Variants in FMNL2 observed in about 807,000 individuals in gnomAD.
FMNL2 encodes formin like 2.
In FMNL2, 51 loss-of-function variants were observed where a neutral mutation model predicts 130.2. The observed-to-expected ratio is 0.39, with a 90% CI of 0.31 to 0.49. The LOEUF (loss-of-function observed/expected upper bound fraction) is 0.49. FMNL2 is among the 20% of genes least tolerant of loss of function. The probability of loss-of-function intolerance (pLI) is 0.85; values close to 1 mark genes in which losing one functional copy is unlikely to be tolerated. For synonymous variants in FMNL2, 465 were observed against 467.1 expected (o/e 1.00, Z 0.06); for missense variants, 977 against 1,316.2 (o/e 0.74, Z 3.99).
At chr2:152,481,503 T>A (rs1690520739) in intron 1 of FMNL2, among the ~76,000 whole-genome samples, 1 of 152,218 alleles carries the variant, frequency 6.6e-6, no homozygotes, top group Admixed American at 6.5e-5. Flanking sequence ...TAAAAAATAG[T>A]GCTGCCCAGG....
At chr2:152,637,438 G>T in intron 22 of FMNL2, 135 bp from the exon 23 acceptor site, 1 of 672,872 alleles carries the variant, frequency 1.5e-6, no homozygotes. Flanking sequence ...AATCTTGGGA[G>T]GTAAGGGAGG....
chr2:152,342,309 T>C (rs1226156476), intron 1 of FMNL2, among the ~76,000 whole-genome samples: 1 of 152,202 alleles, frequency 6.6e-6, no homozygotes, highest in Non-Finnish European at 1.5e-5. Flanking sequence ...TGCCCCTCCT[T>C]TGCAAGAGGA....
intron 1 of FMNL2, among the ~76,000 whole-genome samples, chr2:152,384,237 A>G (rs992611812): frequency 1.3e-5 from 2 of 152,186 alleles, no homozygotes; most frequent in African/African-American, 4.8e-5. Flanking sequence ...CAGGTTGGAA[A>G]CAAGGATTGG....
chr2:152,371,486 T>C (rs1683873688), intron 1 of FMNL2, among the ~76,000 whole-genome samples: 1 of 151,804 alleles, frequency 6.6e-6, no homozygotes, highest in Non-Finnish European at 1.5e-5. Flanking sequence ...CTGGCCAACA[T>C]GGTGAATCCC....
chr2:152,428,195 A>C (rs1218858880), intron 1 of FMNL2, among the ~76,000 whole-genome samples: 3 of 152,188 alleles, frequency 2.0e-5, no homozygotes, highest in Non-Finnish European at 4.4e-5. Flanking sequence ...TATTCATTCC[A>C]AAAATGTTTT....
intron 1 of FMNL2, among the ~76,000 whole-genome samples, chr2:152,348,995 C>T (rs967807100): frequency 8.3e-5 from 12 of 144,650 alleles, no homozygotes; most frequent in Non-Finnish European, 1.7e-4. Context: ...CCACCGCGCC[C>T]GGCTAATTTT....
Position 152,396,469 on chromosome 2 carries a change from G to A in FMNL2, c.117+60749G>A, listed in dbSNP as rs533006824. ...ACCTAGAATGAAATCCAAGGCTGCT[G>A]CTTAACCCTCTATAGCTCTGGTAGT... On this transcript the variant is annotated intron_variant, in intron 1 of 25. Transcript: ENST00000288670. Among the ~76,000 whole-genome samples the A allele has an allele frequency of 3.3e-5, 5 of 152,284 alleles. No individual in the cohort carries two copies. The South Asian group carries it at 8.3e-4, about 25-fold the overall frequency.
At chr2:152,529,202 T>C (rs1240624496) in intron 2 of FMNL2, among the ~76,000 whole-genome samples, 3 of 152,138 alleles carry the variant, frequency 2.0e-5, no homozygotes, top group Admixed American at 6.5e-5. Context: ...GTTTTATAGG[T>C]GAGGGAAAGG....
In FMNL2 at chr2:152,641,056, G is replaced by C. The variant is rs1363641340; in HGVS notation, c.3169+142G>C. The C allele has an allele frequency of 8.9e-6, 10 of 1,117,454 alleles. No homozygotes were observed. In the South Asian group the frequency reaches 1.4e-4, roughly 16 times the overall value. 69.2% of individuals were successfully genotyped at this position (1,117,454 alleles called of 1,614,324 possible). A position where few individuals can be genotyped will look rare whatever the true frequency, so the allele number is the denominator to read the frequency against. ...TTATTCACACCCAGAGTGATGCAGA[G>C]AGGCTTTGAAGTCCATTTACAGCAG... On this transcript the variant is annotated intron_variant, in intron 25 of 25. Transcript: ENST00000288670.
intron 5 of FMNL2, among the ~76,000 whole-genome samples, chr2:152,559,948 A>T (rs1441797880): frequency 6.6e-6 from 1 of 152,226 alleles, no homozygotes; most frequent in Non-Finnish European, 1.5e-5. Context: ...GGTGAAAGTC[A>T]TCACCAATTT....
At chr2:152,434,887 G>A (rs960264710) in intron 1 of FMNL2, among the ~76,000 whole-genome samples, 1 of 151,936 alleles carries the variant, frequency 6.6e-6, no homozygotes, top group Non-Finnish European at 1.5e-5. Context: ...CTAATCCCTG[G>A]GATGGCCCCT....
intron 1 of FMNL2, among the ~76,000 whole-genome samples, chr2:152,469,973 T>C (rs930122889): frequency 6.6e-6 from 1 of 152,232 alleles, no homozygotes; most frequent in Non-Finnish European, 1.5e-5. Context: ...CATTTATTAA[T>C]GAGGGTAATT....
chr2:152,531,543 C>T lies in FMNL2; in HGVS notation c.201+9517C>T, dbSNP rs559842445. ...AGGCTGGAGTACAGTGGCACGATGT[C>T]GGATCATTGCAACCTCCCCCTCCCA... On this transcript the variant is annotated intron_variant, in intron 2 of 25. Transcript: ENST00000288670. 1.5e-4 allele frequency among the ~76,000 whole-genome samples: 23 copies of T among 151,286 alleles called. No individual in the cohort carries two copies. In the Middle Eastern group the frequency reaches 0.01, roughly 68 times the overall value.
rs1370262837 is a variant in FMNL2 at position 152,568,311 on chromosome 2, GT to G, written c.597-6823del. 8.1e-5 allele frequency among the ~76,000 whole-genome samples: 12 copies of G among 148,862 alleles called. No individual in the cohort carries two copies. The East Asian group carries it at 2.4e-3, about 30-fold the overall frequency. ...GCTCACTGCAACCTCCACCTCCCAG[GT>G]TCAAGCAATTCTTTTGCCTCACCCT... On this transcript the variant is annotated intron_variant, in intron 6 of 25. Coordinates refer to ENST00000288670, the MANE Select transcript of FMNL2 (RefSeq NM_052905.4).
chr2:152,492,663 C>CA (rs931352530), intron 1 of FMNL2, among the ~76,000 whole-genome samples: 2 of 152,026 alleles, frequency 1.3e-5, no homozygotes, highest in Non-Finnish European at 2.9e-5. Context: ...TTGATTCAAA[C>CA]AAAAAAACTA....
At chr2:152,558,900 C>A in intron 5 of FMNL2, 77 bp downstream of exon 5, 3 of 1,285,266 alleles carry the variant, frequency 2.3e-6, no homozygotes, top group Non-Finnish European at 3.3e-6. Flanking sequence ...AAATTATACA[C>A]CACAGAGAGG....
At chr2:152,464,425 G>C (rs888808145) in intron 1 of FMNL2, among the ~76,000 whole-genome samples, 1 of 152,006 alleles carries the variant, frequency 6.6e-6, no homozygotes, top group African/African-American at 2.4e-5. Flanking sequence ...CACTCTTCAG[G>C]GTGTGATAAT....
At chr2:152,613,401 T>C (rs1698787056) in intron 11 of FMNL2, among the ~76,000 whole-genome samples, 1 of 152,224 alleles carries the variant, frequency 6.6e-6, no homozygotes, top group Non-Finnish European at 1.5e-5. Context: ...TGTTATTCAT[T>C]GTGAATCTCA....
chr2:152,500,404 C>CTAAATTAATTAATTT (rs1179907697), intron 1 of FMNL2, among the ~76,000 whole-genome samples: 1 of 152,206 alleles, frequency 6.6e-6, no homozygotes, highest in Non-Finnish European at 1.5e-5. Context: ...AGCCCCCCAG[C>CTAAATTAATTAATTT]ACCTGATTAA....
Sources: gnomAD v4.1 joint callset for allele counts (sites outside exome capture counted in the v4.1 genomes callset) on GRCh38, gnomAD v4.1.1 for gene constraint, MANE v1.5 for transcripts, NCBI Gene and HGNC (gene_info 2026-07-23, HGNC 2026-07-21) for gene names.